Variants in GRID2 observed in about 807,000 individuals in gnomAD.
GRID2 encodes the protein glutamate ionotropic receptor delta type subunit 2, also known as glutamate receptor ionotropic, delta-2.
GRID2 carries 33 observed loss-of-function variants against 114.8 expected under a neutral mutation model. The observed-to-expected ratio is 0.29, with a 90% CI of 0.22 to 0.38. GRID2 has a LOEUF of 0.38. Among genes scored for constraint, GRID2 ranks in the 10% least tolerant of loss-of-function variants. The pLI is 1.00. For missense variants in GRID2, 1,184 were observed against 1,257.7 expected, an observed-to-expected ratio of 0.94 and a Z score of 0.89; for synonymous variants, 505 against 449.9, an observed-to-expected ratio of 1.12 and a Z score of -1.55.
At chr4:92,500,349 C>T (rs1723615353) in intron 1 of GRID2, among the ~76,000 whole-genome samples, 1 of 151,782 alleles carries the variant, frequency 6.6e-6, no homozygotes, top group Non-Finnish European at 1.5e-5. Flanking sequence ...ATTAGTGATT[C>T]TTCTGTTCTC....
At chr4:92,833,657 A>G (rs1215312753) in intron 2 of GRID2, 1 of 152,194 alleles carries the variant, frequency 6.6e-6, no homozygotes, top group Non-Finnish European at 1.5e-5. Context: ...TATCTACCAT[A>G]CCCTAAAATA....
chr4:92,820,943 A>G (rs1297694894), intron 2 of GRID2, among the ~76,000 whole-genome samples: 1 of 152,120 alleles, frequency 6.6e-6, no homozygotes, highest in Non-Finnish European at 1.5e-5. Context: ...CCTAGAAGCA[A>G]TACTATAATC....
chr4:93,311,395 A>T (rs1755995490), intron 8 of GRID2, among the ~76,000 whole-genome samples: 2 of 152,146 alleles, frequency 1.3e-5, no homozygotes, highest in African/African-American at 4.8e-5. Context: ...AGGTCAGGGT[A>T]TGGATTAACT....
intron 2 of GRID2, among the ~76,000 whole-genome samples, chr4:92,615,671 CTCA>C (rs1213522815): frequency 2.6e-5 from 4 of 151,370 alleles, no homozygotes; most frequent in African/African-American, 4.8e-5. Context: ...ATTGCTATAC[CTCA>C]TCATATTATT....
chr4:93,693,764 A>C (rs1196596695), intron 14 of GRID2, among the ~76,000 whole-genome samples: 4 of 152,186 alleles, frequency 2.6e-5, no homozygotes, highest in African/African-American at 7.2e-5. Flanking sequence ...GTGAGAACAC[A>C]ATAAAACCAC....
In GRID2 at chr4:92,329,764, G is replaced by A. The variant is rs143228378; in HGVS notation, c.88+25020G>A. Among the ~76,000 whole-genome samples the A allele has an allele frequency of 2.5e-3, 383 of 152,060 alleles. 3 individuals carry two copies. Among genetic ancestry groups the A allele is most frequent in the Middle Eastern group, 0.014 (4 of 292 alleles). ...AGGCAATAAAGGAATGATGACATATGGAGGTCTATGAAGAAAAAACAGGAG... is the reference window on the plus strand; with the variant it reads ...AGGCAATAAAGGAATGATGACATATAGAGGTCTATGAAGAAAAAACAGGAG... On this transcript the variant is annotated intron_variant, in intron 1 of 15. Transcript: ENST00000282020.
intron 2 of GRID2, among the ~76,000 whole-genome samples, chr4:92,727,225 G>A (rs981443471): frequency 3.9e-5 from 6 of 152,032 alleles, no homozygotes; most frequent in South Asian, 2.1e-4. Flanking sequence ...AAAAAAGTTC[G>A]TATACAATAA....
At chr4:93,142,500 T>G (rs961324224) in intron 4 of GRID2, among the ~76,000 whole-genome samples, 4 of 152,048 alleles carry the variant, frequency 2.6e-5, no homozygotes, top group Non-Finnish European at 5.9e-5. Flanking sequence ...CACCAAATAA[T>G]GAGGCATCTA....
At chr4:92,933,980 C>G (rs780275667) in intron 2 of GRID2, among the ~76,000 whole-genome samples, 3 of 151,584 alleles carry the variant, frequency 2.0e-5, no homozygotes, top group South Asian at 2.1e-4. Flanking sequence ...AAATATAATA[C>G]TTAAACACTC....
intron 2 of GRID2, among the ~76,000 whole-genome samples, chr4:92,806,923 G>A (rs1184241183): frequency 1.3e-5 from 2 of 151,932 alleles, no homozygotes; most frequent in Non-Finnish European, 1.5e-5. Flanking sequence ...AAAAGTCCGG[G>A]GATGAAAGCA....
At chr4:92,603,484 G>A (rs1187157895) in intron 2 of GRID2, among the ~76,000 whole-genome samples, 1 of 152,076 alleles carries the variant, frequency 6.6e-6, no homozygotes, top group Non-Finnish European at 1.5e-5. Flanking sequence ...TGGGAAAACT[G>A]GCCAGCCATA....
chr4:92,552,440 G>A (rs866211685), intron 1 of GRID2, among the ~76,000 whole-genome samples: 7 of 152,094 alleles, frequency 4.6e-5, no homozygotes, highest in Middle Eastern at 3.2e-3. Flanking sequence ...GTTACAGAAG[G>A]AACGGTTGGA....
At chr4:93,659,856 G>C (rs1723331596) in intron 14 of GRID2, among the ~76,000 whole-genome samples, 1 of 150,478 alleles carries the variant, frequency 6.6e-6, no homozygotes, top group South Asian at 2.1e-4. Flanking sequence ...TATAAGATCT[G>C]ACCCTTTTGT....
intron 4 of GRID2, among the ~76,000 whole-genome samples, chr4:93,206,201 A>G (rs565966350): frequency 2.8e-4 from 43 of 152,252 alleles, no homozygotes; most frequent in Middle Eastern, 3.4e-3. Context: ...TGTATAATGG[A>G]ATAGTATGAA....
chr4:92,845,683 A>G (rs1743262055), intron 2 of GRID2, among the ~76,000 whole-genome samples: 1 of 152,018 alleles, frequency 6.6e-6, no homozygotes, highest in Non-Finnish European at 1.5e-5. Flanking sequence ...ATTGAGAAGC[A>G]ATTTTGTTGT....
intron 2 of GRID2, among the ~76,000 whole-genome samples, chr4:92,624,308 C>T (rs1041775987): frequency 8.6e-5 from 13 of 151,772 alleles, no homozygotes; most frequent in African/African-American, 2.7e-4. Context: ...TCCAAAGCTG[C>T]GCTCACAACA....
chr4:93,332,267 CGTGTGT>C (rs1234388137), intron 8 of GRID2, among the ~76,000 whole-genome samples: 37 of 133,994 alleles, frequency 2.8e-4, no homozygotes, highest in South Asian at 7.4e-4. Flanking sequence ...TGTGTGTGTG[CGTGTGT>C]GTGTGTGTGT....
chr4:92,950,717 T>C (rs1344573286), intron 2 of GRID2, among the ~76,000 whole-genome samples: 1 of 152,214 alleles, frequency 6.6e-6, no homozygotes, highest in East Asian at 1.9e-4. Context: ...TTGTCTTTAC[T>C]TTCCATTATT....
chr4:92,619,504 G>A (rs1028612861), intron 2 of GRID2, among the ~76,000 whole-genome samples: 11 of 151,588 alleles, frequency 7.3e-5, no homozygotes, highest in African/African-American at 2.7e-4. Flanking sequence ...CAGGTTTGTT[G>A]AGATGTTGGC....
Sources: gnomAD v4.1 joint callset for allele counts (sites outside exome capture counted in the v4.1 genomes callset) on GRCh38, gnomAD v4.1.1 for gene constraint, MANE v1.5 for transcripts, NCBI Gene and HGNC (gene_info 2026-07-23, HGNC 2026-07-21) for gene names.